Variants in SAMD12 observed in about 807,000 individuals in gnomAD.
The protein encoded by SAMD12 is sterile alpha motif domain-containing protein 12.
Under a neutral mutation model 15.0 loss-of-function variants are expected in SAMD12, and 9 were observed. The ratio of observed to expected loss-of-function variants is 0.60; its 90% confidence interval spans 0.36 to 1.05. The LOEUF (loss-of-function observed/expected upper bound fraction) is 1.05, where lower values mean the gene tolerates loss of function less well. Ranked by LOEUF, SAMD12 falls within the 50% of genes least tolerant of loss-of-function variation. SAMD12 has a pLI of 0.01. For synonymous variants in SAMD12, 86 were observed against 90.1 expected (o/e 0.96, Z 0.25); for missense variants, 230 against 234.2 (o/e 0.98, Z 0.12).
chr8:118,425,358 G>T (rs946804289), intron 3 of SAMD12, among the ~76,000 whole-genome samples: 1 of 152,178 alleles, frequency 6.6e-6, no homozygotes, highest in Non-Finnish European at 1.5e-5. Flanking sequence ...TAAACTGACA[G>T]AGTAATTAAC....
the SAMD12 span, among the ~76,000 whole-genome samples, chr8:118,136,038 C>CT: frequency 3.3e-5 from 5 of 149,622 alleles, no homozygotes; most frequent in South Asian, 2.1e-4. Flanking sequence ...TTTCCTTTTT[C>CT]TTTTTTTTTA....
At position 118,411,666 on chromosome 8, in the gene SAMD12, T is replaced by C. The variant is rs547375208; in HGVS notation, c.322+28166A>G. Among the ~76,000 whole-genome samples the C allele has an allele frequency of 7.2e-5, 11 of 152,262 alleles. No individual in the cohort carries two copies. In the South Asian group the frequency reaches 2.3e-3, roughly 32 times the overall value. On this transcript the variant is annotated intron_variant, in intron 3 of 3. Transcript: ENST00000314727. Reference sequence around the variant, plus strand: ...CTTTGTCTAATAGAGTGAATTCCAATAAGATTCCTGGAAAATCCACTAAGT... The same window carrying C: ...CTTTGTCTAATAGAGTGAATTCCAACAAGATTCCTGGAAAATCCACTAAGT...
chr8:118,270,804 A>C lies in SAMD12; in HGVS notation c.434-73072T>G, dbSNP rs188067924. On this transcript the variant is annotated intron_variant, in intron 4 of 4. Coordinates refer to the SAMD12 transcript ENST00000409003. Reference sequence around the variant, plus strand: ...GATCATGCATTTGATCTTATAATCCAAAAGACAACAACACATATATCCTAT... The same window carrying C: ...GATCATGCATTTGATCTTATAATCCCAAAGACAACAACACATATATCCTAT... 6.6e-3 allele frequency among the ~76,000 whole-genome samples: 1,008 copies of C among 152,320 alleles called. 13 individuals are homozygous for C. The highest frequency in any genetic ancestry group is 0.023 in the African/African-American group (959 of 41,572).
In SAMD12 at chr8:118,320,838, A is replaced by T. The variant is rs60341143; in HGVS notation, c.433+58722T>A. ...TAATAAAAATATATATATATATATA[A>T]AAATCTATAACAGAACAATGCATGT... is the stretch of plus-strand genomic sequence containing the variant. On this transcript the variant is annotated intron_variant, in intron 4 of 4. Transcript: ENST00000409003. 3.5e-3 allele frequency among the ~76,000 whole-genome samples: 479 copies of T among 136,200 alleles called. 2 individuals carry two copies. Among genetic ancestry groups the T allele is most frequent in the African/African-American group, 7.9e-3 (237 of 30,014 alleles). 89.4% of individuals were successfully genotyped at this position (136,200 alleles called of 152,430 possible).
intron 2 of SAMD12, among the ~76,000 whole-genome samples, chr8:118,508,748 G>A (rs1287236559): frequency 5.9e-5 from 9 of 152,264 alleles, no homozygotes; most frequent in South Asian, 2.1e-4. Flanking sequence ...ATTTTCAACC[G>A]AATTCCCATG....
intron 4 of SAMD12, among the ~76,000 whole-genome samples, chr8:118,317,410 A>C (rs1815974750): frequency 6.6e-6 from 1 of 152,224 alleles, no homozygotes; most frequent in Admixed American, 6.5e-5. Context: ...GGAATGCATA[A>C]ATAAACTGTG....
chr8:118,136,694 C>T, the SAMD12 span, among the ~76,000 whole-genome samples: 1 of 152,182 alleles, frequency 6.6e-6, no homozygotes, highest in Non-Finnish European at 1.5e-5. Context: ...CAGCTGATGT[C>T]TTTGCTCCTG....
At chr8:118,240,208 C>T (rs988388159) in intron 4 of SAMD12, among the ~76,000 whole-genome samples, 1 of 152,114 alleles carries the variant, frequency 6.6e-6, no homozygotes, top group Admixed American at 6.6e-5. Context: ...AATATTCTAG[C>T]TCTGGTGGAG....
chr8:118,528,069 C>G (rs1825579142), intron 2 of SAMD12, among the ~76,000 whole-genome samples: 1 of 152,086 alleles, frequency 6.6e-6, no homozygotes, highest in Non-Finnish European at 1.5e-5. Flanking sequence ...CTCTGTCGCC[C>G]AGGCTGGAAT....
At chr8:118,331,081 A>G (rs1358612083) in intron 4 of SAMD12, among the ~76,000 whole-genome samples, 2 of 152,112 alleles carry the variant, frequency 1.3e-5, no homozygotes, top group African/African-American at 2.4e-5. Context: ...AGAAATCTCT[A>G]TTTGCAAAAA....
chr8:118,443,426 C>A (rs1822814350), intron 2 of SAMD12, among the ~76,000 whole-genome samples: 1 of 152,064 alleles, frequency 6.6e-6, no homozygotes, highest in South Asian at 2.1e-4. Context: ...CCATTGTACA[C>A]CAGCCTGGGT....
At chr8:118,158,989 G>A in the SAMD12 span, among the ~76,000 whole-genome samples, 14 of 152,076 alleles carry the variant, frequency 9.2e-5, no homozygotes, top group South Asian at 2.1e-4. Flanking sequence ...CTTCCTGAAT[G>A]CGGGACAAGA....
intron 4 of SAMD12, among the ~76,000 whole-genome samples, chr8:118,318,310 G>GTATATATATATA (rs55959055): frequency 2.6e-5 from 3 of 113,332 alleles, no homozygotes; most frequent in Non-Finnish European, 3.6e-5. Context: ...AGATATATGT[G>GTATATATATATA]TATATATATA....
chr8:118,275,353 A>C (rs538352886), intron 4 of SAMD12, among the ~76,000 whole-genome samples: 2 of 152,294 alleles, frequency 1.3e-5, no homozygotes, highest in East Asian at 3.9e-4. Context: ...TTACTTGTTA[A>C]TGTTCTAAGT....
rs75647464 is a variant in SAMD12 at position 118,481,745 on chromosome 8, A to G, written c.193-41784T>C. On this transcript the variant is annotated intron_variant, in intron 2 of 3. Transcript: ENST00000314727. ...CAACTGACTTACCTAAATGAAAAAA[A>G]AAAATAGCAGGGGCACAAAAAAGAG... is the stretch of plus-strand genomic sequence containing the variant. Among the ~76,000 whole-genome samples the G allele has an allele frequency of 4.1e-3, 630 of 152,236 alleles. 11 individuals are homozygous for G. Among genetic ancestry groups the G allele is most frequent in the South Asian group, 0.027 (132 of 4,820 alleles).
intron 1 of SAMD12, among the ~76,000 whole-genome samples, chr8:118,606,873 T>A (rs1378353743): frequency 6.6e-6 from 1 of 152,178 alleles, no homozygotes; most frequent in African/African-American, 2.4e-5. Flanking sequence ...ATTTTCAGCA[T>A]CTTTTTTACT....
At chr8:118,191,785 TATATATATATATATATATATATATATAG>T (rs1819393601) in exon 5 of SAMD12, 3 of 51,220 alleles carry the variant, frequency 5.9e-5, no homozygotes, top group African/African-American at 1.5e-4. Context: ...TATATATATA[TATATATATATATATATATATATATATAG>T]AGAGAGAGAG....
At chr8:118,174,449 G>A in the SAMD12 span, among the ~76,000 whole-genome samples, 10 of 152,184 alleles carry the variant, frequency 6.6e-5, no homozygotes, top group Admixed American at 5.9e-4. Context: ...CATGGGTCAA[G>A]TGTATCTGCG....
At chr8:118,620,399 CAAAAAAAAAAAAAAAA>C (rs68126546) in intron 1 of SAMD12, among the ~76,000 whole-genome samples, 2 of 66,378 alleles carry the variant, frequency 3.0e-5, no homozygotes, top group African/African-American at 1.3e-4. Flanking sequence ...CATAACGATG[CAAAAAAAAAAAAAAAA>C]AAAAAAAAAA....
Sources: gnomAD v4.1 joint callset for allele counts (sites outside exome capture counted in the v4.1 genomes callset) on GRCh38, gnomAD v4.1.1 for gene constraint, MANE v1.5 for transcripts, NCBI Gene and HGNC (gene_info 2026-07-23, HGNC 2026-07-21) for gene names.